Variants in MARCHF8 observed in about 807,000 individuals in gnomAD.
MARCHF8 encodes membrane associated ring-CH-type finger 8.
Under a neutral mutation model 51.6 loss-of-function variants are expected in MARCHF8, and 40 were observed. That is an observed-to-expected ratio of 0.77 (90% CI 0.60 to 1.01). The LOEUF (loss-of-function observed/expected upper bound fraction) is 1.01. Ranked by LOEUF, MARCHF8 falls within the 50% of genes least tolerant of loss-of-function variation. MARCHF8 has a pLI of 0.00. For synonymous variants in MARCHF8, 263 were observed against 280.3 expected (o/e 0.94, Z 0.62); for missense variants, 685 against 708.6 (o/e 0.97, Z 0.38).
At chr10:45,524,550 A>G (rs1221761619) in intron 2 of MARCHF8, among the ~76,000 whole-genome samples, 1 of 152,244 alleles carries the variant, frequency 6.6e-6, no homozygotes, top group African/African-American at 2.4e-5. Context: ...ATGCCTAACC[A>G]GACAGTAATC....
chr10:45,557,994 A>G (rs2044271075), intron 1 of MARCHF8, among the ~76,000 whole-genome samples: 2 of 152,192 alleles, frequency 1.3e-5, no homozygotes, highest in Non-Finnish European at 2.9e-5. Flanking sequence ...TTATGTAAGA[A>G]ATGTCAATGA....
chr10:45,487,235 C>A (rs1342629780), intron 3 of MARCHF8, among the ~76,000 whole-genome samples: 3 of 152,156 alleles, frequency 2.0e-5, no homozygotes, highest in Non-Finnish European at 4.4e-5. Flanking sequence ...TACCCACAAC[C>A]CAAGCCAGGA....
At chr10:45,591,998 T>G (rs1477917302) in intron 1 of MARCHF8, among the ~76,000 whole-genome samples, 1 of 152,214 alleles carries the variant, frequency 6.6e-6, no homozygotes, top group East Asian at 1.9e-4. Flanking sequence ...CTTCAAAGCC[T>G]TCATCATATT....
In MARCHF8 at chr10:45,463,766, A is replaced by C; in HGVS notation, c.473T>G (p.Leu158Arg). Reference protein sequence around the residue: ...ARRTLKFSRSLNDVGEKAQDT... With the variant: ...ARRTLKFSRSRNDVGEKAQDT... ...CTGCGCCTTCTCACCCACATCATTG[A>C]GGGACCTTGAGAACTTTAGTGTTCT... Residue 158 changes from leucine to arginine, a missense_variant, in exon 5 of 8, where the codon CTC becomes CGC. Physicochemically the swap from Leu to Arg is moderately radical, Grantham distance 102. Transcript: ENST00000453424. The C allele has an allele frequency of 6.4e-7, 1 of 1,551,142 alleles. No homozygotes were observed. The highest frequency in any genetic ancestry group is 1.2e-5 in the South Asian group (1 of 84,062).
intron 2 of MARCHF8, among the ~76,000 whole-genome samples, chr10:45,509,126 A>G (rs1339100937): frequency 6.6e-6 from 1 of 152,240 alleles, no homozygotes; most frequent in Non-Finnish European, 1.5e-5. Flanking sequence ...GACATTGCTT[A>G]AACAACTTTC....
chr10:45,543,468 T>C (rs1010506975), intron 1 of MARCHF8, among the ~76,000 whole-genome samples: 2 of 152,130 alleles, frequency 1.3e-5, no homozygotes, highest in Non-Finnish European at 2.9e-5. Flanking sequence ...AGCCACCGAC[T>C]GGGGGAAAAA....
intron 2 of MARCHF8, among the ~76,000 whole-genome samples, chr10:45,512,380 C>G (rs551864749): frequency 8.2e-4 from 124 of 150,934 alleles, no homozygotes; most frequent in African/African-American, 2.9e-3. Context: ...CCAGCCGCCC[C>G]GTCCAGGAGG....
chr10:45,506,369 C>T (rs562767499), intron 2 of MARCHF8, among the ~76,000 whole-genome samples: 1 of 152,244 alleles, frequency 6.6e-6, no homozygotes, highest in African/African-American at 2.4e-5. Flanking sequence ...ATTCATAAAC[C>T]TATACAGGTT....
At chr10:45,578,411 A>T (rs1249382512) in intron 1 of MARCHF8, among the ~76,000 whole-genome samples, 4 of 152,240 alleles carry the variant, frequency 2.6e-5, no homozygotes. Context: ...AGACCACTAA[A>T]TAAGAATATG....
chr10:45,534,200 CA>C (rs372882732), intron 1 of MARCHF8, among the ~76,000 whole-genome samples: 13 of 139,090 alleles, frequency 9.3e-5, no homozygotes, highest in South Asian at 2.3e-4. Flanking sequence ...TCCCCCCCAC[CA>C]AAAAAAAAAG....
chr10:45,531,405 G>A (rs1158186219), intron 2 of MARCHF8, among the ~76,000 whole-genome samples: 1 of 151,994 alleles, frequency 6.6e-6, no homozygotes, highest in Non-Finnish European at 1.5e-5. Flanking sequence ...ACCAGAAATG[G>A]TAATTATCTG....
At chr10:45,543,797 C>CA (rs35514763) in intron 1 of MARCHF8, among the ~76,000 whole-genome samples, 2,444 of 49,266 alleles carry the variant, frequency 0.05, 191 homozygotes, top group Non-Finnish European at 0.058. Flanking sequence ...GACTCCGTCT[C>CA]AAAAAAAAAA....
intron 1 of MARCHF8, among the ~76,000 whole-genome samples, chr10:45,544,342 C>G (rs1009159625): frequency 3.0e-4 from 46 of 152,128 alleles, no homozygotes; most frequent in African/African-American, 1.1e-3. Context: ...ATAAACTTAT[C>G]CTATGACCCA....
At chr10:45,486,804 CTTTTTTTTTTTT>C (rs34757159) in intron 3 of MARCHF8, among the ~76,000 whole-genome samples, 1 of 94,580 alleles carries the variant, frequency 1.1e-5, no homozygotes, top group East Asian at 3.1e-4. Flanking sequence ...TATTACCCTA[CTTTTTTTTTTTT>C]TTTTTTTTTT....
At chr10:45,465,207 C>G (rs560989029) in intron 3 of MARCHF8, among the ~76,000 whole-genome samples, 1 of 152,254 alleles carries the variant, frequency 6.6e-6, no homozygotes, top group Non-Finnish European at 1.5e-5. Context: ...GGCTCCACAG[C>G]CCCACAGACC....
chr10:45,572,933 C>G (rs1043634461), intron 1 of MARCHF8, among the ~76,000 whole-genome samples: 14 of 152,062 alleles, frequency 9.2e-5, no homozygotes, highest in African/African-American at 2.9e-4. Flanking sequence ...ATCACCTCCC[C>G]CTCCTCACAC....
rs1239669739 is a variant in MARCHF8 at position 45,458,093 on chromosome 10, G to T, written c.*146C>A. On this transcript the variant is annotated 3_prime_UTR_variant, in exon 8 of 8. Transcript: ENST00000453424. Reference sequence around the variant, plus strand: ...ACAGGAAGGTTTTCTAGGAGACTAAGGAGGGTTTAGAAAAAGAGAAGCCAC... The same window carrying T: ...ACAGGAAGGTTTTCTAGGAGACTAATGAGGGTTTAGAAAAAGAGAAGCCAC... 4.6e-6 allele frequency: 4 copies of T among 865,964 alleles called. No individual in the cohort carries two copies. The African/African-American group carries it at 6.8e-5, about 15-fold the overall frequency. The allele number at this position is 865,964 out of a possible 1,614,324, so 53.6% of individuals were successfully genotyped here. A position where few individuals can be genotyped will look rare whatever the true frequency, so the allele number is the denominator to read the frequency against.
At chr10:45,577,036 A>T (rs2044498497) in intron 1 of MARCHF8, among the ~76,000 whole-genome samples, 2 of 151,744 alleles carry the variant, frequency 1.3e-5, no homozygotes, top group South Asian at 4.2e-4. Context: ...GGACTTTATG[A>T]GGTGATTAAA....
chr10:45,562,496 A>G (rs913133324), intron 1 of MARCHF8, among the ~76,000 whole-genome samples: 1 of 152,212 alleles, frequency 6.6e-6, no homozygotes, highest in African/African-American at 2.4e-5. Context: ...TCTTCGAAGT[A>G]TCAAGGAAAC....
Sources: allele counts gnomAD v4.1 joint callset (sites outside exome capture counted in the v4.1 genomes callset), GRCh38; gene constraint gnomAD v4.1.1; transcripts MANE v1.5; gene names NCBI Gene and HGNC (gene_info 2026-07-23, HGNC 2026-07-21).